The following STPG2 variants were observed in gnomAD, a reference collection of about 807,000 sequenced individuals.
STPG2 encodes the protein sperm-tail PG-rich repeat-containing protein 2.
Under a neutral mutation model 54.2 loss-of-function variants are expected in STPG2, and 56 were observed. The ratio of observed to expected loss-of-function variants is 1.03; its 90% CI spans 0.83 to 1.29. STPG2 has a LOEUF of 1.29. Among genes scored for constraint, STPG2 ranks in the 50% most tolerant of loss-of-function variants. The pLI, the probability that STPG2 is intolerant of heterozygous loss-of-function variation, is 0.00. For synonymous variants in STPG2, 200 were observed against 181.8 expected, an observed-to-expected ratio of 1.10 and a Z score of -0.81; for missense variants, 596 against 544.9, an observed-to-expected ratio of 1.09 and a Z score of -0.93.
In STPG2 at chr4:97,501,404, G is replaced by GA. The variant is rs531027337; in HGVS notation, c.462+211294dup. On this transcript the variant is annotated intron_variant, in intron 4 of 4. Transcript: ENST00000522676. ...GAAGGATAAGGTTAGAGGTGGAAGA[G>GA]AAAAAAAATAAAGCATTATATATGG... 2.3e-4 allele frequency among the ~76,000 whole-genome samples: 35 copies of GA among 151,662 alleles called. No homozygotes were observed. The East Asian group carries it at 6.3e-3, about 27-fold the overall frequency.
intron 5 of STPG2, among the ~76,000 whole-genome samples, chr4:97,996,809 A>G (rs1405447049): frequency 6.6e-6 from 1 of 152,214 alleles, no homozygotes; most frequent in African/African-American, 2.4e-5. Context: ...GAAAACATGC[A>G]ACACAGCCAA....
At chr4:98,130,903 C>T (rs1739969914) in intron 2 of STPG2, among the ~76,000 whole-genome samples, 1 of 117,020 alleles carries the variant, frequency 8.5e-6, no homozygotes, top group Non-Finnish European at 1.6e-5. Context: ...GCCTGGGAGA[C>T]AGAGCGAGAC....
At chr4:98,095,806 A>G (rs980163742) in intron 5 of STPG2, among the ~76,000 whole-genome samples, 1 of 152,242 alleles carries the variant, frequency 6.6e-6, no homozygotes, top group Non-Finnish European at 1.5e-5. Flanking sequence ...AATCTGCACT[A>G]TAGAACAAGT....
At chr4:97,613,005 TG>T (rs1733768514) in intron 10 of STPG2, among the ~76,000 whole-genome samples, 1 of 152,090 alleles carries the variant, frequency 6.6e-6, no homozygotes, top group Non-Finnish European at 1.5e-5. Flanking sequence ...ACATAAAAAT[TG>T]CAAAAATAGT....
chr4:97,789,792 C>T (rs1295887802), intron 9 of STPG2, among the ~76,000 whole-genome samples: 1 of 152,116 alleles, frequency 6.6e-6, no homozygotes, highest in East Asian at 1.9e-4. Flanking sequence ...AAAACGTCAG[C>T]CAACTTACTG....
chr4:97,616,966 C>G (rs1275092634), intron 10 of STPG2, among the ~76,000 whole-genome samples: 2 of 152,080 alleles, frequency 1.3e-5, no homozygotes, highest in East Asian at 1.9e-4. Context: ...TCTATCCTAT[C>G]AAATTTTCTC....
At chr4:97,649,737 T>G (rs1722011759) in intron 10 of STPG2, among the ~76,000 whole-genome samples, 1 of 152,104 alleles carries the variant, frequency 6.6e-6, no homozygotes, top group Non-Finnish European at 1.5e-5. Flanking sequence ...TGTATCTAAA[T>G]TTGTGTGCTA....
chr4:97,594,762 G>A (rs570893582), intron 10 of STPG2, among the ~76,000 whole-genome samples: 1 of 152,236 alleles, frequency 6.6e-6, no homozygotes, highest in Non-Finnish European at 1.5e-5. Flanking sequence ...CACCATCAAA[G>A]GGAACCCCAT....
intron 8 of STPG2, among the ~76,000 whole-genome samples, chr4:97,926,696 G>C (rs946347499): frequency 2.6e-5 from 4 of 152,024 alleles, no homozygotes; most frequent in African/African-American, 9.7e-5. Context: ...TCACTTTCAA[G>C]GAAGTGTGAA....
At chr4:97,460,974 A>G (rs1444067072) in intron 4 of STPG2, among the ~76,000 whole-genome samples, 1 of 152,128 alleles carries the variant, frequency 6.6e-6, no homozygotes, top group African/African-American at 2.4e-5. Context: ...TCTTCATTCC[A>G]TTTTATAAAT....
intron 8 of STPG2, among the ~76,000 whole-genome samples, chr4:97,856,106 C>T (rs1729326874): frequency 6.6e-6 from 1 of 152,120 alleles, no homozygotes; most frequent in South Asian, 2.1e-4. Context: ...AGCATGATGC[C>T]TCCAGCTATG....
At chr4:97,803,966 C>T (rs1727475941) in intron 9 of STPG2, among the ~76,000 whole-genome samples, 1 of 152,138 alleles carries the variant, frequency 6.6e-6, no homozygotes, top group Admixed American at 6.6e-5. Flanking sequence ...AAAAGGCAGT[C>T]ACTGGTTGGG....
At chr4:97,886,821 C>T (rs1730587934) in intron 8 of STPG2, among the ~76,000 whole-genome samples, 1 of 152,174 alleles carries the variant, frequency 6.6e-6, no homozygotes. Context: ...GTGATTGAAT[C>T]ATGTCAGTGG....
intron 5 of STPG2, among the ~76,000 whole-genome samples, chr4:98,063,942 G>T (rs111293981): frequency 0.011 from 1,704 of 151,816 alleles, 25 homozygotes; most frequent in African/African-American, 0.039. Flanking sequence ...GTGAGACCCT[G>T]CCTCAAAAAA....
At chr4:98,059,308 T>TAAGAAGAAATTGGAGTTTTCTTCTCC (rs1737573054) in intron 5 of STPG2, among the ~76,000 whole-genome samples, 1 of 151,894 alleles carries the variant, frequency 6.6e-6, no homozygotes, top group Admixed American at 6.6e-5. Context: ...TGAAATTCTC[T>TAAGAAGAAATTGGAGTTTTCTTCTCC]AAGAAGAAAT....
At chr4:97,683,199 C>A (rs965494246) in intron 10 of STPG2, among the ~76,000 whole-genome samples, 1 of 151,660 alleles carries the variant, frequency 6.6e-6, no homozygotes, top group East Asian at 1.9e-4. Flanking sequence ...TGAGCCCTTA[C>A]CCAGATTTAA....
chr4:97,605,818 A>G (rs1359440192), intron 10 of STPG2, among the ~76,000 whole-genome samples: 1 of 147,572 alleles, frequency 6.8e-6, no homozygotes, highest in African/African-American at 2.7e-5. Context: ...TACAAAAAAA[A>G]GAAAAAAAAA....
intron 8 of STPG2, among the ~76,000 whole-genome samples, chr4:97,897,782 T>A (rs11097587): frequency 0.37 from 56,610 of 151,906 alleles, 10,589 homozygotes; most frequent in Middle Eastern, 0.46. Flanking sequence ...TTTGTTTAAG[T>A]TCCTTATAGA....
At chr4:97,622,596 A>C (rs532811152) in intron 10 of STPG2, among the ~76,000 whole-genome samples, 1 of 152,300 alleles carries the variant, frequency 6.6e-6, no homozygotes, top group South Asian at 2.1e-4. Context: ...ATTACAAAAC[A>C]CTGCACAAAG....
Sources: gnomAD v4.1 joint callset for allele counts (sites outside exome capture counted in the v4.1 genomes callset) on GRCh38, gnomAD v4.1.1 for gene constraint, MANE v1.5 for transcripts, NCBI Gene and HGNC (gene_info 2026-07-23, HGNC 2026-07-21) for gene names.